Variants in LRMDA observed in about 807,000 individuals in gnomAD.
The protein encoded by LRMDA is leucine-rich melanocyte differentiation-associated protein.
LRMDA carries 18 observed loss-of-function variants against 29.8 expected under a neutral mutation model. The ratio of observed to expected loss-of-function variants is 0.60; its 90% CI spans 0.42 to 0.90. LRMDA has a LOEUF of 0.90. Among genes scored for constraint, LRMDA ranks in the 40% least tolerant of loss-of-function variants. The pLI, the probability that LRMDA is intolerant of heterozygous loss-of-function variation, is 0.00. For synonymous variants in LRMDA, 125 were observed against 109.4 expected (o/e 1.14, Z -0.89); for missense variants, 273 against 273.9 (o/e 1.00, Z 0.02).
At chr10:76,358,231 A>G (rs1242526506) in intron 6 of LRMDA, among the ~76,000 whole-genome samples, 1 of 152,232 alleles carries the variant, frequency 6.6e-6, no homozygotes, top group Non-Finnish European at 1.5e-5. Flanking sequence ...GAGAAATGCC[A>G]GTAATGAGGC....
At chr10:75,888,487 T>A (rs142227160) in intron 2 of LRMDA, among the ~76,000 whole-genome samples, 1,596 of 152,328 alleles carry the variant, frequency 0.01, 28 homozygotes, top group African/African-American at 0.036. Flanking sequence ...TGGCAAATTA[T>A]GAATTTCCTA....
At chr10:75,959,903 A>G (rs1846733259) in intron 2 of LRMDA, among the ~76,000 whole-genome samples, 1 of 152,222 alleles carries the variant, frequency 6.6e-6, no homozygotes, top group Non-Finnish European at 1.5e-5. Context: ...TGTTACTTAT[A>G]AGCTGTGGCA....
chr10:76,276,049 C>CTTTCTT (rs1199214325), intron 5 of LRMDA, among the ~76,000 whole-genome samples: 18 of 144,508 alleles, frequency 1.2e-4, no homozygotes, highest in East Asian at 9.0e-4. Flanking sequence ...ATCTATCTAT[C>CTTTCTT]TATCTCTTTC....
At chr10:76,490,500 C>T (rs1395517980) in intron 6 of LRMDA, among the ~76,000 whole-genome samples, 2 of 151,856 alleles carry the variant, frequency 1.3e-5, no homozygotes, top group African/African-American at 4.8e-5. Context: ...GTTATATTCT[C>T]TTGCTGAATT....
At chr10:75,889,823 T>C (rs1189654271) in intron 2 of LRMDA, among the ~76,000 whole-genome samples, 1 of 152,212 alleles carries the variant, frequency 6.6e-6, no homozygotes, top group African/African-American at 2.4e-5. Flanking sequence ...GACCATTCTA[T>C]GATATGGTTA....
At chr10:75,687,767 C>A (rs890228440) in intron 2 of LRMDA, among the ~76,000 whole-genome samples, 3 of 152,186 alleles carry the variant, frequency 2.0e-5, no homozygotes, top group Admixed American at 2.0e-4. Flanking sequence ...GGCTTCAAAG[C>A]ATCAGAGGAC....
chr10:76,345,110 A>G (rs1016574145), intron 6 of LRMDA, among the ~76,000 whole-genome samples: 6 of 115,586 alleles, frequency 5.2e-5, no homozygotes, highest in African/African-American at 2.1e-4. Context: ...TCTGTCGCCC[A>G]GGCTGGAGTG....
intron 2 of LRMDA, among the ~76,000 whole-genome samples, chr10:75,629,225 G>A (rs1312105957): frequency 2.0e-5 from 3 of 152,180 alleles, no homozygotes; most frequent in Admixed American, 1.3e-4. Context: ...TATGAAAAAG[G>A]CCCTGCAGTC....
chr10:75,510,759 C>T (rs1845216234), intron 2 of LRMDA, among the ~76,000 whole-genome samples: 1 of 152,052 alleles, frequency 6.6e-6, no homozygotes, highest in Non-Finnish European at 1.5e-5. Context: ...GGGTGTTGGC[C>T]ATGGAGGCAG....
chr10:75,461,399 G>GA (rs1564776881), intron 2 of LRMDA, among the ~76,000 whole-genome samples: 2 of 152,118 alleles, frequency 1.3e-5, no homozygotes, highest in African/African-American at 4.8e-5. Flanking sequence ...TGGAAGGCAG[G>GA]AAAAAATCAG....
At chr10:75,998,042 G>T (rs1300829910) in intron 2 of LRMDA, among the ~76,000 whole-genome samples, 1 of 152,092 alleles carries the variant, frequency 6.6e-6, no homozygotes, top group Non-Finnish European at 1.5e-5. Flanking sequence ...ACAAAGATGC[G>T]TTAATTCAGT....
At chr10:75,707,903 A>G (rs1842389571) in intron 2 of LRMDA, among the ~76,000 whole-genome samples, 1 of 151,866 alleles carries the variant, frequency 6.6e-6, no homozygotes, top group South Asian at 2.1e-4. Context: ...TCATTCGGCC[A>G]CTTTGCTGCC....
chr10:75,922,135 A>C (rs919989110), intron 2 of LRMDA, among the ~76,000 whole-genome samples: 3 of 152,224 alleles, frequency 2.0e-5, no homozygotes, highest in African/African-American at 7.2e-5. Flanking sequence ...AATGGGGGAA[A>C]GTCATGGCGT....
chr10:76,124,619 C>G (rs143015322), intron 5 of LRMDA, among the ~76,000 whole-genome samples: 10 of 152,342 alleles, frequency 6.6e-5, no homozygotes, highest in African/African-American at 2.2e-4. Flanking sequence ...AGGCCACACC[C>G]TTAGGACTTA....
intron 2 of LRMDA, among the ~76,000 whole-genome samples, chr10:75,970,770 C>T (rs901141489): frequency 2.6e-5 from 4 of 152,178 alleles, no homozygotes; most frequent in African/African-American, 9.6e-5. Context: ...ACTGTGTCTT[C>T]TTATTCCTAT....
At chr10:76,256,678 C>G (rs1255532874) in intron 5 of LRMDA, among the ~76,000 whole-genome samples, 3 of 152,124 alleles carry the variant, frequency 2.0e-5, no homozygotes, top group Non-Finnish European at 4.4e-5. Flanking sequence ...TAAGTAATTG[C>G]CAGGAGTTCT....
chr10:75,892,457 C>T (rs1374215219), intron 2 of LRMDA, among the ~76,000 whole-genome samples: 3 of 152,124 alleles, frequency 2.0e-5, no homozygotes, highest in African/African-American at 4.8e-5. Flanking sequence ...TTTAAGGGAG[C>T]GCTTAGGAAG....
Position 75,638,029 on chromosome 10 carries a change from G to A in LRMDA, c.131+199535G>A, listed in dbSNP as rs966160126. 1.8e-4 allele frequency among the ~76,000 whole-genome samples: 27 copies of A among 152,264 alleles called. No individual in the cohort carries two copies. The Middle Eastern group carries it at 0.01, about 58-fold the overall frequency. ...ATGAGGACAGCATCATGGGGTGGTC[G>A]TTTCCAAATCTTTTTTTTTCCTCTT... On this transcript the variant is annotated intron_variant, in intron 2 of 6. Coordinates refer to ENST00000611255, the MANE Select transcript of LRMDA (RefSeq NM_001305581.2).
chr10:75,789,162 A>G (rs892987494), intron 2 of LRMDA, among the ~76,000 whole-genome samples: 1 of 152,236 alleles, frequency 6.6e-6, no homozygotes, highest in South Asian at 2.1e-4. Flanking sequence ...TGGCCAGCTT[A>G]CTTAACCTCT....
Sources: gnomAD v4.1 joint callset for allele counts (sites outside exome capture counted in the v4.1 genomes callset) on GRCh38, gnomAD v4.1.1 for gene constraint, MANE v1.5 for transcripts, NCBI Gene and HGNC (gene_info 2026-07-23, HGNC 2026-07-21) for gene names.